NINL: variants seen among roughly 807,000 people sequenced by gnomAD.
NINL encodes the protein ninein like.
Under a neutral mutation model 160.3 loss-of-function variants are expected in NINL, and 153 were observed. The ratio of observed to expected loss-of-function variants is 0.95; its 90% CI spans 0.84 to 1.09. The LOEUF (loss-of-function observed/expected upper bound fraction) is 1.09, where lower values mean the gene tolerates loss of function less well. NINL is among the 50% of genes least tolerant of loss of function. The pLI, the probability that NINL is intolerant of heterozygous loss-of-function variation, is 0.00. For missense variants in NINL, 1,829 were observed against 1,764.0 expected (o/e 1.04, Z -0.66); for synonymous variants, 800 against 734.8 (o/e 1.09, Z -1.43).
intron 1 of NINL, among the ~76,000 whole-genome samples, chr20:25,544,316 T>C (rs1158986828): frequency 1.3e-5 from 2 of 152,140 alleles, no homozygotes; most frequent in Admixed American, 1.3e-4. Context: ...CACAGAACCA[T>C]CTATCTTTAG....
chr20:25,497,820 G>A (rs1260056141), intron 9 of NINL, among the ~76,000 whole-genome samples: 2 of 152,188 alleles, frequency 1.3e-5, no homozygotes, highest in Non-Finnish European at 2.9e-5. Context: ...CCTCATGTCT[G>A]TCCCTTCGAA....
rs2090577972 is a variant in NINL, at chr20:25,453,336, TC to T, written c.*114del. The T allele has an allele frequency of 1.1e-6, 1 of 905,008 alleles. No homozygotes were observed. The highest frequency in any genetic ancestry group is 2.7e-5 in the Admixed American group (1 of 36,976). 56.1% of individuals were successfully genotyped at this position (905,008 alleles called of 1,614,324 possible). A position where few individuals can be genotyped will look rare whatever the true frequency, so the allele number is the denominator to read the frequency against. ...AACTATCTGCGGGGTGAACAAAGAA[TC>T]CCAATCCTCAGATGTCCCAGGACTC... On this transcript the variant is annotated 3_prime_UTR_variant, in exon 24 of 24. Coordinates refer to ENST00000278886, the MANE Select transcript of NINL (RefSeq NM_025176.6).
intron 1 of NINL, among the ~76,000 whole-genome samples, chr20:25,530,243 G>C (rs531705587): frequency 2.6e-5 from 4 of 152,262 alleles, no homozygotes; most frequent in Admixed American, 2.6e-4. Context: ...GCACACGCAC[G>C]TACATAACAC....
intron 7 of NINL, among the ~76,000 whole-genome samples, 163 bp downstream of exon 7, chr20:25,503,789 C>A (rs1055806885): frequency 2.0e-5 from 3 of 152,242 alleles, no homozygotes; most frequent in African/African-American, 4.8e-5. Context: ...GCTCCAGAAT[C>A]TACGTCACGT....
intron 13 of NINL, among the ~76,000 whole-genome samples, chr20:25,483,335 CAAA>C (rs11477331): frequency 2.1e-5 from 3 of 140,718 alleles, no homozygotes; most frequent in African/African-American, 2.6e-5. Context: ...TCTGTCTCAA[CAAA>C]AAAAAAAAAA....
At chr20:25,552,506 G>C (rs553641936) in intron 1 of NINL, among the ~76,000 whole-genome samples, 1 of 152,244 alleles carries the variant, frequency 6.6e-6, no homozygotes, top group Non-Finnish European at 1.5e-5. Context: ...CCAATTGCAT[G>C]TTTATCCTAT....
rs2063053248 is a variant in NINL at position 25,469,991 on chromosome 20, C to T, written c.3353G>A (p.Arg1118Lys). 1 of 1,613,164 alleles carries T rather than the reference C, an allele frequency of 6.2e-7. No homozygotes were observed. Among genetic ancestry groups the T allele is most frequent in the Non-Finnish European group, 8.5e-7 (1 of 1,179,216 alleles). Residue 1118 changes from arginine (R) to lysine (K), a missense_variant and splice_region_variant, in exon 18 of 24, where the codon AGG becomes AAG. Arg to Lys is a conservative substitution (Grantham distance 26). Transcript: ENST00000278886. ...EAAESTHDAQ[R>K]KEIEVLKKDK... ...GTCTGGGTAGGGGCGTGGCCCTTACCTCTGTGCATCGTGAGTACTTTCTGC... is the reference window on the plus strand; with the variant it reads ...GTCTGGGTAGGGGCGTGGCCCTTACTTCTGTGCATCGTGAGTACTTTCTGC...
At chr20:25,501,597 C>G (rs1250977032) in intron 7 of NINL, among the ~76,000 whole-genome samples, 2 of 152,216 alleles carry the variant, frequency 1.3e-5, no homozygotes, top group Non-Finnish European at 2.9e-5. Context: ...CCACACTAAG[C>G]ATGACCTGTG....
rs141073805 is a variant in NINL at position 25,476,085 on chromosome 20, A to G, written c.3206T>C (p.Val1069Ala). Residue 1069 changes from valine to alanine, a missense_variant, in exon 17 of 24, where the codon GTC (valine) becomes GCC (alanine). By Grantham distance (64) the Val-to-Ala change is moderately conservative (BLOSUM62 0). Coordinates refer to ENST00000278886, the MANE Select transcript of NINL (RefSeq NM_025176.6). ...ETKLLHLEDV[V>A]RALEKHVDLR... ...ATCTACATGTTTCTCCAGAGCCCGGACGACGTCTTCCAGATGTAGAAGTTT... is the reference window on the plus strand; with the variant it reads ...ATCTACATGTTTCTCCAGAGCCCGGGCGACGTCTTCCAGATGTAGAAGTTT... The G allele has an allele frequency of 1.2e-6, 2 of 1,613,990 alleles. No individual in the cohort carries two copies. Among genetic ancestry groups the G allele is most frequent in the Non-Finnish European group, 1.7e-6 (2 of 1,179,836 alleles).
rs1453076162 is a variant in NINL, at chr20:25,554,650, A to C, written c.-11-28052T>G. On this transcript the variant is annotated intron_variant, in intron 1 of 23. Coordinates refer to ENST00000278886, the MANE Select transcript of NINL (RefSeq NM_025176.6). ...AAAAAAAAAAACAAAAAAAAAAAAAAAAAAAAATTAGCTAGGTGTGGTGAT... is the reference window on the plus strand; with the variant it reads ...AAAAAAAAAAACAAAAAAAAAAAAACAAAAAAATTAGCTAGGTGTGGTGAT... Among the ~76,000 whole-genome samples the C allele has an allele frequency of 1.2e-3, 176 of 146,374 alleles. 1 individual carries two copies. Among genetic ancestry groups the C allele is most frequent in the Admixed American group, 2.6e-3 (38 of 14,826 alleles).
At chr20:25,465,888 T>C (rs1180868637) in intron 19 of NINL, among the ~76,000 whole-genome samples, 1 of 152,220 alleles carries the variant, frequency 6.6e-6, no homozygotes, top group African/African-American at 2.4e-5. Context: ...AATACTGATA[T>C]GAGGTAACTA....
At chr20:25,550,227 T>C (rs920231112) in intron 1 of NINL, among the ~76,000 whole-genome samples, 1 of 152,142 alleles carries the variant, frequency 6.6e-6, no homozygotes, top group African/African-American at 2.4e-5. Flanking sequence ...ACAGAAAAAT[T>C]AGCCGGGCAT....
intron 22 of NINL, 62 bp from the exon 23 acceptor site, chr20:25,455,848 T>G: frequency 7.2e-7 from 1 of 1,384,814 alleles, no homozygotes; most frequent in Non-Finnish European, 1.0e-6. Context: ...ATCCCAGCAC[T>G]TTGGGAGGCC....
At chr20:25,565,771 A>G (rs537909799) in intron 1 of NINL, among the ~76,000 whole-genome samples, 24 of 152,236 alleles carry the variant, frequency 1.6e-4, no homozygotes, top group African/African-American at 4.6e-4. Flanking sequence ...TTTACCCTCA[A>G]TGTGGGCAGG....
chr20:25,458,064 G>A (rs929982201), intron 22 of NINL, among the ~76,000 whole-genome samples: 4 of 152,056 alleles, frequency 2.6e-5, no homozygotes, highest in Non-Finnish European at 4.4e-5. Context: ...CTCTGCCCTC[G>A]GCCTCTGGTC....
At chr20:25,542,194 T>G (rs1297060665) in intron 1 of NINL, among the ~76,000 whole-genome samples, 2 of 152,200 alleles carry the variant, frequency 1.3e-5, no homozygotes, top group Admixed American at 6.5e-5. Flanking sequence ...GACTTTGCCT[T>G]GCATTCAGCC....
In NINL at chr20:25,479,222, T is replaced by C; in HGVS notation, c.1918-16A>G. On this transcript the variant is annotated splice_polypyrimidine_tract_variant and intron_variant, in intron 15 of 23. Transcript: ENST00000278886. ...AGTAATTTACCTAAAACGAGAAACA[T>C]GAGCCCCGTGGACCAGGAGACCCTA... 1 of 1,589,372 alleles carries C rather than the reference T, an allele frequency of 6.3e-7. No homozygotes were observed. The highest frequency in any genetic ancestry group is 1.1e-5 in the South Asian group (1 of 88,086).
At position 25,533,156 on chromosome 20, in the gene NINL, C is replaced by A. The variant is rs536943162; in HGVS notation, c.-11-6558G>T. On this transcript the variant is annotated intron_variant, in intron 1 of 23. Coordinates refer to ENST00000278886, the MANE Select transcript of NINL (RefSeq NM_025176.6). ...AACCCCGCAGAACTGTGGAGGGTCT[C>A]AGAAGCAGTGGAGCAGCCTGAAGAT... Among the ~76,000 whole-genome samples the A allele has an allele frequency of 8.5e-4, 129 of 152,278 alleles. 1 individual carries two copies. Among genetic ancestry groups the A allele is most frequent in the Non-Finnish European group, 1.3e-3 (86 of 68,022 alleles).
chr20:25,547,565 G>A (rs975240462), intron 1 of NINL, among the ~76,000 whole-genome samples: 6 of 152,092 alleles, frequency 3.9e-5, no homozygotes, highest in African/African-American at 1.4e-4. Flanking sequence ...TGTAGAACTG[G>A]GTTAAATTCT....
Sources: gnomAD v4.1 joint callset for allele counts (sites outside exome capture counted in the v4.1 genomes callset) on GRCh38, gnomAD v4.1.1 for gene constraint, MANE v1.5 for transcripts, NCBI Gene and HGNC (gene_info 2026-07-23, HGNC 2026-07-21) for gene names.